The following STPG2 variants were observed in gnomAD, a reference collection of about 807,000 sequenced individuals.
STPG2 encodes sperm tail PG-rich repeat containing 2.
In STPG2, 56 loss-of-function variants were observed where a neutral mutation model predicts 54.2. That is an observed-to-expected ratio of 1.03 (90% CI 0.83 to 1.29). STPG2 has a LOEUF of 1.29. STPG2 is among the 50% of genes most tolerant of loss of function. The pLI is 0.00. For missense variants in STPG2, 596 were observed against 544.9 expected (o/e 1.09, Z -0.93); for synonymous variants, 200 against 181.8 (o/e 1.10, Z -0.81).
chr4:97,915,973 T>C (rs1378621110), intron 8 of STPG2, among the ~76,000 whole-genome samples: 2 of 152,120 alleles, frequency 1.3e-5, no homozygotes, highest in African/African-American at 2.4e-5. Flanking sequence ...TGGGGCATAA[T>C]TAGTCAGAAT....
chr4:97,580,978 A>C (rs1732850014), intron 10 of STPG2, among the ~76,000 whole-genome samples: 1 of 152,034 alleles, frequency 6.6e-6, no homozygotes, highest in Admixed American at 6.6e-5. Flanking sequence ...TACAATTATA[A>C]ATTTTGATTA....
At chr4:98,081,155 G>A (rs1359673764) in intron 5 of STPG2, among the ~76,000 whole-genome samples, 1 of 152,148 alleles carries the variant, frequency 6.6e-6, no homozygotes, top group African/African-American at 2.4e-5. Flanking sequence ...CAAGTCTCCT[G>A]GAGGCTAACC....
chr4:97,456,891 C>CAAAAAAAAAAAAAAAA lies in STPG2; in HGVS notation c.462+255807_462+255808insTTTTTTTTTTTTTTTT, dbSNP rs57563048. On this transcript the variant is annotated intron_variant, in intron 4 of 4. Transcript: ENST00000522676. ...GCCTGGGTAACAGAGTGCTCCGTCT[C>CAAAAAAAAAAAAAAAA]AAAAAAAAAAAAAAGAAAATTAAAA... 2.2e-3 allele frequency among the ~76,000 whole-genome samples: 108 copies of CAAAAAAAAAAAAAAAA among 48,812 alleles called. 3 individuals carry two copies. Among genetic ancestry groups the CAAAAAAAAAAAAAAAA allele is most frequent in the African/African-American group, 0.011 (95 of 8,662 alleles). The allele number at this position is 48,812 out of a possible 152,430, so 32.0% of individuals were successfully genotyped here.
intron 5 of STPG2, among the ~76,000 whole-genome samples, chr4:98,084,233 A>G (rs1458497669): frequency 6.6e-6 from 1 of 152,088 alleles, no homozygotes; most frequent in African/African-American, 2.4e-5. Context: ...TTTGCTCAAG[A>G]GTATATTTTT....
chr4:98,014,740 T>G (rs547977773), intron 5 of STPG2, among the ~76,000 whole-genome samples: 2 of 152,206 alleles, frequency 1.3e-5, no homozygotes, highest in Non-Finnish European at 2.9e-5. Flanking sequence ...TTTTAGTTAT[T>G]GCTTTCATTT....
chr4:98,133,061 G>GA (rs976762583), intron 2 of STPG2, among the ~76,000 whole-genome samples: 5 of 151,146 alleles, frequency 3.3e-5, no homozygotes, highest in Non-Finnish European at 5.9e-5. Flanking sequence ...GTCATTTCCA[G>GA]AAAAAATTAT....
intron 7 of STPG2, among the ~76,000 whole-genome samples, chr4:97,967,720 C>T (rs573099933): frequency 3.5e-4 from 53 of 152,286 alleles, no homozygotes; most frequent in African/African-American, 1.1e-3. Context: ...CAAAACCGCA[C>T]AATTACATGG....
At chr4:97,486,286 T>A (rs2148824355) in intron 4 of STPG2, among the ~76,000 whole-genome samples, 1 of 151,930 alleles carries the variant, frequency 6.6e-6, no homozygotes, top group Non-Finnish European at 1.5e-5. Context: ...GACAAAGGAC[T>A]AATATCCAGA....
At chr4:97,628,809 A>C (rs1280557616) in intron 10 of STPG2, among the ~76,000 whole-genome samples, 2 of 152,064 alleles carry the variant, frequency 1.3e-5, no homozygotes, top group Non-Finnish European at 2.9e-5. Flanking sequence ...CTGATAGATA[A>C]AATAATATTG....
intron 4 of STPG2, among the ~76,000 whole-genome samples, chr4:97,473,245 G>A (rs1006185994): frequency 2.0e-5 from 3 of 152,278 alleles, no homozygotes; most frequent in Middle Eastern, 6.8e-3. Flanking sequence ...CTGACCGCTG[G>A]TGAGCTGGGT....
intron 9 of STPG2, among the ~76,000 whole-genome samples, chr4:97,725,688 A>G (rs1724601471): frequency 6.6e-6 from 1 of 151,896 alleles, no homozygotes; most frequent in African/African-American, 2.4e-5. Flanking sequence ...TGGAACCAAA[A>G]TCCATGTTTC....
intron 10 of STPG2, among the ~76,000 whole-genome samples, chr4:97,574,380 A>T (rs960198336): frequency 2.0e-5 from 3 of 152,076 alleles, no homozygotes; most frequent in African/African-American, 7.2e-5. Context: ...GTGACACAGG[A>T]ACCTTCAGAA....
intron 10 of STPG2, among the ~76,000 whole-genome samples, chr4:97,599,183 G>C (rs1459917119): frequency 6.6e-6 from 1 of 152,110 alleles, no homozygotes; most frequent in Non-Finnish European, 1.5e-5. Context: ...TTAGAGAAAT[G>C]CAAGTCTAAA....
intron 5 of STPG2, among the ~76,000 whole-genome samples, chr4:97,994,394 C>T (rs920745461): frequency 1.3e-5 from 2 of 152,088 alleles, no homozygotes; most frequent in African/African-American, 4.8e-5. Flanking sequence ...ATCATATGGC[C>T]TACCTTGGAG....
intron 9 of STPG2, among the ~76,000 whole-genome samples, chr4:97,727,313 G>C (rs1724656041): frequency 6.6e-6 from 1 of 151,624 alleles, no homozygotes; most frequent in African/African-American, 2.4e-5. Context: ...AAACCATCTA[G>C]AAATTAAAAT....
chr4:97,845,436 A>T (rs1404742283), intron 8 of STPG2, among the ~76,000 whole-genome samples: 1 of 152,166 alleles, frequency 6.6e-6, no homozygotes, highest in East Asian at 1.9e-4. Flanking sequence ...CTAAATAAAT[A>T]GAATAGGTTT....
chr4:98,134,955 C>G (rs1740098871), intron 1 of STPG2, among the ~76,000 whole-genome samples: 1 of 151,698 alleles, frequency 6.6e-6, no homozygotes, highest in Non-Finnish European at 1.5e-5. Context: ...GTAAATATTT[C>G]TTGATTGGCT....
intron 8 of STPG2, among the ~76,000 whole-genome samples, chr4:97,935,611 T>C (rs1328182961): frequency 1.3e-5 from 2 of 152,186 alleles, no homozygotes; most frequent in Non-Finnish European, 2.9e-5. Flanking sequence ...AATGAACTTC[T>C]TGATTTCTGC....
chr4:97,539,112 T>G (rs1339042276), intron 4 of STPG2, among the ~76,000 whole-genome samples: 2 of 152,134 alleles, frequency 1.3e-5, no homozygotes, highest in African/African-American at 4.8e-5. Context: ...AGACCATCAA[T>G]GCTAGGAAGA....
Sources: gnomAD v4.1 joint callset for allele counts (sites outside exome capture counted in the v4.1 genomes callset) on GRCh38, gnomAD v4.1.1 for gene constraint, MANE v1.5 for transcripts, NCBI Gene and HGNC (gene_info 2026-07-23, HGNC 2026-07-21) for gene names.